The following NDRG2 variants were observed in gnomAD, a reference collection of about 807,000 sequenced individuals.
NDRG2 encodes protein NDRG2.
In NDRG2, 34 loss-of-function variants were observed where a neutral mutation model predicts 58.2. The ratio of observed to expected loss-of-function variants is 0.58; its 90% CI spans 0.44 to 0.78. The LOEUF is 0.78. Ranked by LOEUF, NDRG2 falls within the 30% of genes least tolerant of loss-of-function variation. NDRG2 has a pLI of 0.00. For missense variants in NDRG2, 434 were observed against 471.2 expected (o/e 0.92, Z 0.73); for synonymous variants, 187 against 175.9 (o/e 1.06, Z -0.50).
rs112963399 is a variant in NDRG2 at position 21,034,509 on chromosome 14, A to T, written c.25-11188T>A. ...CCCTGCTCCCCTGGTCCACCACAGA[A>T]TCTCAGCCTCTGCAGAGTCCGTGAG... On this transcript the variant is annotated intron_variant, in intron 1 of 14. Coordinates refer to the NDRG2 transcript ENST00000403829. 5.7e-4 allele frequency: 324 copies of T among 566,636 alleles called. 2 individuals are homozygous for T. The highest frequency in any genetic ancestry group is 5.4e-3 in the African/African-American group (291 of 53,500). 35.1% of individuals were successfully genotyped at this position (566,636 alleles called of 1,614,324 possible).
chr14:21,043,494 C>T (rs758318692), intron 1 of NDRG2: 18 of 1,441,380 alleles, frequency 1.2e-5, no homozygotes, highest in Middle Eastern at 3.6e-4. Context: ...TTTGGCTGAC[C>T]TTCAATTCCC....
At chr14:21,026,809 C>G (rs1883694595), upstream of NDRG2, among the ~76,000 whole-genome samples, 1 of 152,094 alleles carries the variant, frequency 6.6e-6, no homozygotes, top group African/African-American at 2.4e-5. Flanking sequence ...TCTCCTAGTC[C>G]CCTCTTCCCT....
chr14:21,020,101 C>G lies in NDRG2; in HGVS notation c.556-125G>C, dbSNP rs560557722. 35 of 777,204 alleles carry G rather than the reference C, an allele frequency of 4.5e-5. No individual in the cohort carries two copies. In the East Asian group the frequency reaches 8.8e-4, roughly 20 times the overall value. The allele number at this position is 777,204 out of a possible 1,614,324, so 48.1% of individuals were successfully genotyped here. On this transcript the variant is annotated intron_variant, in intron 8 of 15. Transcript: ENST00000556147. ...ACGAGGTCAGGAGTTCAAGACCACCCTGGCCAAGATGGTGAAACCCCATCT... is the reference window on the plus strand; with the variant it reads ...ACGAGGTCAGGAGTTCAAGACCACCGTGGCCAAGATGGTGAAACCCCATCT...
At chr14:21,027,909 A>G (rs1883805796), upstream of NDRG2, among the ~76,000 whole-genome samples, 2 of 152,218 alleles carry the variant, frequency 1.3e-5, no homozygotes, top group South Asian at 4.1e-4. Context: ...CAGAGAGAGC[A>G]TGAAGGACAG....
chr14:21,025,476 A>G, upstream of NDRG2: 3 of 985,270 alleles, frequency 3.0e-6, no homozygotes, highest in Middle Eastern at 1.0e-3. The surrounding 1 kb of genome is among the most constrained non-coding windows in gnomAD (Gnocchi z 5.1). Context: ...CGAACCCGGG[A>G]TACTGACACC....
At chr14:21,053,487 C>T (rs569675150) in intron 1 of NDRG2, among the ~76,000 whole-genome samples, 6 of 152,094 alleles carry the variant, frequency 3.9e-5, no homozygotes, top group South Asian at 2.1e-4. Context: ...ATTAGCCAGG[C>T]GCGGCAGTGG....
intron 9 of NDRG2, 58 bp from the exon 10 acceptor site, chr14:21,019,800 G>C (rs1212096111): frequency 2.7e-6 from 4 of 1,504,252 alleles, no homozygotes; most frequent in Non-Finnish European, 3.7e-6. Flanking sequence ...ACAATTACTG[G>C]AGGAAAAGAG....
At position 21,018,521 on chromosome 14, in the gene NDRG2, G is replaced by C; in HGVS notation, c.814-17C>G. On this transcript the variant is annotated splice_polypyrimidine_tract_variant and intron_variant, in intron 12 of 15. Transcript: ENST00000556147. ...ACATTCCACCTGGAGTAAGCAGGAG[G>C]CTGAATGAATGAGGTCACGCCCACT... is the stretch of plus-strand genomic sequence containing the variant. The C allele has an allele frequency of 1.2e-6, 2 of 1,613,620 alleles. No individual in the cohort carries two copies. The highest frequency in any genetic ancestry group is 1.7e-6 in the Non-Finnish European group (2 of 1,179,772).
chr14:21,044,325 A>T (rs183433332), intron 1 of NDRG2: 20 of 153,100 alleles, frequency 1.3e-4, no homozygotes. Context: ...TGCTCTTCCA[A>T]CCTAGGCCCT....
At chr14:21,025,413 C>G (rs1330552758), upstream of NDRG2, 45 of 985,572 alleles carry the variant, frequency 4.6e-5, no homozygotes, top group Non-Finnish European at 5.4e-5. This position sits in a 1 kb window ranked among gnomAD's most constrained non-coding sequence, Gnocchi z 5.1. Context: ...CAATTGCACT[C>G]TGGCTCCTTC....
In NDRG2 at chr14:21,019,596, C is replaced by T. The variant is rs374275724; in HGVS notation, c.716+43G>A. 37 of 1,340,624 alleles carry T rather than the reference C, an allele frequency of 2.8e-5. No homozygotes were observed. The African/African-American group carries it at 4.3e-4, about 16-fold the overall frequency. The allele number at this position is 1,340,624 out of a possible 1,614,324, so 83.0% of individuals were successfully genotyped here. A position where few individuals can be genotyped will look rare whatever the true frequency, so the allele number is the denominator to read the frequency against. On this transcript the variant is annotated intron_variant, in intron 10 of 15. Coordinates refer to ENST00000556147, the MANE Select transcript of NDRG2 (RefSeq NM_001320329.2). ...CCTCCCCCATGACGCCCAATTACTG[C>T]TTCTGCATTTCTCTCACATGCATAC... is the stretch of plus-strand genomic sequence containing the variant.
rs114973822 is a variant in NDRG2 at position 21,039,384 on chromosome 14, T to C, written c.25-16063A>G. 9.3e-3 allele frequency among the ~76,000 whole-genome samples: 1,421 copies of C among 152,288 alleles called. 17 individuals carry two copies. Among genetic ancestry groups the C allele is most frequent in the African/African-American group, 0.033 (1,353 of 41,546 alleles). ...GGTAGAGATTGCTGGTGTAAGGGAC[T>C]TTTTCTTCCCTTCTGTCTTCTCTCC... is the stretch of plus-strand genomic sequence containing the variant. On this transcript the variant is annotated intron_variant, in intron 1 of 14. Transcript: ENST00000403829.
chr14:21,059,541 C>T (rs1423610677), intron 1 of NDRG2, among the ~76,000 whole-genome samples: 1 of 151,936 alleles, frequency 6.6e-6, no homozygotes, highest in Non-Finnish European at 1.5e-5. Flanking sequence ...GTCACCCATG[C>T]TGCAGTGCAG....
At position 21,070,064 on chromosome 14, in the gene NDRG2, G is replaced by A. The variant is rs1256935917; in HGVS notation, c.24+764C>T. ...GGTCGAGGTTACCCGCTGGAGGGCGGGGCGGAGAAGAAAGAAGGTTGCCGG... is the reference window on the plus strand; with the variant it reads ...GGTCGAGGTTACCCGCTGGAGGGCGAGGCGGAGAAGAAAGAAGGTTGCCGG... On this transcript the variant is annotated intron_variant, in intron 1 of 14. Coordinates refer to the NDRG2 transcript ENST00000403829. The surrounding 1 kb of genome is among the most constrained non-coding windows in gnomAD (Gnocchi z 4.7). Among the ~76,000 whole-genome samples, 1 of 152,232 alleles carries A rather than the reference G, an allele frequency of 6.6e-6. No homozygotes were observed. Among genetic ancestry groups the A allele is most frequent in the Non-Finnish European group, 1.5e-5 (1 of 68,034 alleles).
At chr14:21,036,328 C>T (rs1416841721) in intron 1 of NDRG2, 11 of 453,290 alleles carry the variant, frequency 2.4e-5, no homozygotes, top group Non-Finnish European at 4.4e-5. Flanking sequence ...GCTTGTTTCT[C>T]ATAGGGTAGG....
At chr14:21,060,651 T>C (rs1885908301) in intron 1 of NDRG2, among the ~76,000 whole-genome samples, 1 of 151,790 alleles carries the variant, frequency 6.6e-6, no homozygotes, top group African/African-American at 2.4e-5. Flanking sequence ...ATCTTCATAC[T>C]GTTACTAGCC....
chr14:21,054,960 C>T (rs567950083), intron 1 of NDRG2, among the ~76,000 whole-genome samples: 88 of 152,240 alleles, frequency 5.8e-4, no homozygotes, highest in Non-Finnish European at 1.1e-3. Context: ...CAGCCCTGTG[C>T]TGACCTGAAC....
intron 1 of NDRG2, chr14:21,058,331 C>A: frequency 1.2e-6 from 2 of 1,611,382 alleles, no homozygotes; most frequent in Non-Finnish European, 8.5e-7. Flanking sequence ...CCCACTTGTT[C>A]CTGTGCACTT....
At chr14:21,033,186 G>C in intron 1 of NDRG2, 1 of 365,430 alleles carries the variant, frequency 2.7e-6, no homozygotes, top group Non-Finnish European at 5.3e-6. Context: ...GGAGTGTGGG[G>C]GAGACAGTCC....
Sources: allele counts gnomAD v4.1 joint callset (sites outside exome capture counted in the v4.1 genomes callset), GRCh38; gene constraint gnomAD v4.1.1; non-coding constraint Gnocchi (gnomAD v3.1); transcripts MANE v1.5; gene names NCBI Gene and HGNC (gene_info 2026-07-23, HGNC 2026-07-21).